Variants in LUZP2 observed in about 807,000 individuals in gnomAD.
LUZP2 encodes leucine zipper protein 2.
A neutral mutation model predicts 51.6 loss-of-function variants in LUZP2; 52 were observed. That is an observed-to-expected ratio of 1.01 (90% confidence interval 0.81 to 1.27). The LOEUF (loss-of-function observed/expected upper bound fraction) is 1.27, where lower values mean the gene tolerates loss of function less well. LUZP2 is among the 50% of genes most tolerant of loss of function. LUZP2 has a pLI of 0.00. For synonymous variants in LUZP2, 154 were observed against 137.3 expected (o/e 1.12, Z -0.85); for missense variants, 436 against 395.4 (o/e 1.10, Z -0.87).
intron 5 of LUZP2, among the ~76,000 whole-genome samples, chr11:24,789,743 A>G (rs1376115535): frequency 2.0e-5 from 3 of 152,194 alleles, no homozygotes; most frequent in Admixed American, 1.3e-4. Context: ...TGGCTCAAAG[A>G]TGACACCTCT....
intron 1 of LUZP2, among the ~76,000 whole-genome samples, chr11:24,601,242 A>G (rs1331375181): frequency 6.6e-6 from 1 of 152,042 alleles, no homozygotes; most frequent in Non-Finnish European, 1.5e-5. Context: ...TGAATTTGGA[A>G]ATATATCCTT....
At chr11:24,909,013 G>A (rs1220919902) in intron 6 of LUZP2, among the ~76,000 whole-genome samples, 5 of 151,564 alleles carry the variant, frequency 3.3e-5, no homozygotes, top group East Asian at 1.9e-4. Flanking sequence ...CACCTGCCTC[G>A]GCCTCCCAAA....
intron 9 of LUZP2, among the ~76,000 whole-genome samples, chr11:25,015,189 A>G (rs1403004859): frequency 6.6e-6 from 1 of 152,192 alleles, no homozygotes; most frequent in African/African-American, 2.4e-5. Context: ...ACAAAACACT[A>G]AAAGAAAGAA....
chr11:24,892,328 G>A (rs1451193182), intron 5 of LUZP2: 8 of 985,218 alleles, frequency 8.1e-6, no homozygotes, highest in East Asian at 1.1e-4. Flanking sequence ...GTCTGGCCTC[G>A]AAAGACATTC....
chr11:24,797,423 A>G (rs1352529926), intron 5 of LUZP2, among the ~76,000 whole-genome samples: 1 of 152,196 alleles, frequency 6.6e-6, no homozygotes, highest in Non-Finnish European at 1.5e-5. Context: ...TTTTATGTCA[A>G]TAATCTCCTT....
At chr11:24,692,317 C>T (rs1250585309) in intron 1 of LUZP2, among the ~76,000 whole-genome samples, 2 of 152,026 alleles carry the variant, frequency 1.3e-5, no homozygotes, top group East Asian at 1.9e-4. Context: ...TCAGGTTCTA[C>T]GTTCCTGCAA....
intron 5 of LUZP2, among the ~76,000 whole-genome samples, chr11:24,859,224 A>G (rs992173290): frequency 6.6e-6 from 1 of 152,196 alleles, no homozygotes; most frequent in Non-Finnish European, 1.5e-5. Context: ...TCAAATTACA[A>G]TTTAAATTTT....
chr11:24,757,111 C>T (rs1331976171), intron 4 of LUZP2, among the ~76,000 whole-genome samples: 1 of 152,078 alleles, frequency 6.6e-6, no homozygotes, highest in Non-Finnish European at 1.5e-5. Context: ...CTCAGGAGGG[C>T]CTGAGAACAT....
At chr11:24,559,838 T>G (rs896054692) in intron 1 of LUZP2, among the ~76,000 whole-genome samples, 3 of 152,162 alleles carry the variant, frequency 2.0e-5, no homozygotes, top group Admixed American at 6.6e-5. Flanking sequence ...ACCTTGTAAT[T>G]CACTACATAA....
At chr11:24,687,351 A>G (rs973049155) in intron 1 of LUZP2, among the ~76,000 whole-genome samples, 1 of 152,152 alleles carries the variant, frequency 6.6e-6, no homozygotes, top group African/African-American at 2.4e-5. Flanking sequence ...CATAGGCAAA[A>G]ATCATTCTTG....
chr11:24,817,591 A>G (rs1850224721), intron 5 of LUZP2, among the ~76,000 whole-genome samples: 1 of 152,036 alleles, frequency 6.6e-6, no homozygotes, highest in Non-Finnish European at 1.5e-5. Flanking sequence ...AATGATGAAT[A>G]CAAGTTCTTG....
At chr11:24,715,473 T>A (rs559326216) in intron 1 of LUZP2, among the ~76,000 whole-genome samples, 2 of 152,036 alleles carry the variant, frequency 1.3e-5, no homozygotes, top group African/African-American at 4.8e-5. Context: ...GCTCAGGGAG[T>A]GTCCTATATG....
At chr11:25,064,938 G>T (rs1308123003) in intron 10 of LUZP2, among the ~76,000 whole-genome samples, 1 of 151,986 alleles carries the variant, frequency 6.6e-6, no homozygotes, top group African/African-American at 2.4e-5. Context: ...AGATATTGAG[G>T]TTTAATATGT....
intron 1 of LUZP2, among the ~76,000 whole-genome samples, chr11:24,575,268 C>T (rs1372568572): frequency 2.0e-5 from 3 of 152,088 alleles, no homozygotes; most frequent in Non-Finnish European, 4.4e-5. Flanking sequence ...TCTAATTCTG[C>T]TTTTCTTATT....
chr11:24,626,793 C>T (rs1854700448), intron 1 of LUZP2, among the ~76,000 whole-genome samples: 1 of 152,044 alleles, frequency 6.6e-6, no homozygotes, highest in Non-Finnish European at 1.5e-5. Flanking sequence ...CAACATTAAA[C>T]TAATTAATAG....
At chr11:25,018,043 T>G (rs376086083) in intron 9 of LUZP2, among the ~76,000 whole-genome samples, 91 of 30,744 alleles carry the variant, frequency 3.0e-3, no homozygotes, top group African/African-American at 6.5e-3. Context: ...TTCTGTTTTT[T>G]TTTTGTTTTT....
intron 7 of LUZP2, among the ~76,000 whole-genome samples, chr11:24,961,124 A>G (rs1247105019): frequency 6.6e-6 from 1 of 151,892 alleles, no homozygotes; most frequent in Non-Finnish European, 1.5e-5. Context: ...GTTTGTTATA[A>G]TTTCTGTTCT....
intron 9 of LUZP2, among the ~76,000 whole-genome samples, chr11:25,012,215 C>A (rs1239133319): frequency 6.6e-6 from 1 of 152,118 alleles, no homozygotes; most frequent in East Asian, 1.9e-4. Context: ...AATATAATAA[C>A]CTCTTAGTCT....
chr11:25,010,167 A>C (rs1023266657), intron 9 of LUZP2, among the ~76,000 whole-genome samples: 1 of 152,166 alleles, frequency 6.6e-6, no homozygotes, highest in African/African-American at 2.4e-5. Flanking sequence ...AGTAACCTTA[A>C]ATTCAAGCAT....
Sources: allele counts gnomAD v4.1 joint callset (sites outside exome capture counted in the v4.1 genomes callset), GRCh38; gene constraint gnomAD v4.1.1; transcripts MANE v1.5; gene names NCBI Gene and HGNC (gene_info 2026-07-23, HGNC 2026-07-21).